Variants in IGSF21 observed in about 807,000 individuals in gnomAD.
IGSF21 encodes the protein immunoglobin superfamily member 21, also known as immunoglobulin superfamily member 21.
IGSF21 carries 28 observed loss-of-function variants against 46.8 expected under a neutral mutation model. The ratio of observed to expected loss-of-function variants is 0.60; its 90% confidence interval spans 0.44 to 0.82. The LOEUF is 0.82. IGSF21 is among the 40% of genes least tolerant of loss of function. IGSF21 has a pLI of 0.00. For synonymous variants in IGSF21, 284 were observed against 273.6 expected (o/e 1.04, Z -0.38); for missense variants, 624 against 665.5 (o/e 0.94, Z 0.69).
intron 1 of IGSF21, among the ~76,000 whole-genome samples, chr1:18,171,027 C>T (rs185619296): frequency 1.3e-5 from 2 of 151,664 alleles, no homozygotes; most frequent in Admixed American, 6.6e-5. Flanking sequence ...GCAGGCCCGT[C>T]GGGGAGGCTG....
At chr1:18,251,573 G>T (rs1322115313) in intron 2 of IGSF21, among the ~76,000 whole-genome samples, 6 of 152,194 alleles carry the variant, frequency 3.9e-5, no homozygotes, top group African/African-American at 1.4e-4. Context: ...TTATGGGCCA[G>T]TCTGGAGGTG....
In IGSF21 at chr1:18,335,980, C is replaced by T. The variant is rs1358350317; in HGVS notation, c.424+970C>T. On this transcript the variant is annotated intron_variant, in intron 4 of 9. Transcript: ENST00000251296. This position sits in a 1 kb window ranked among gnomAD's most constrained non-coding sequence, Gnocchi z 4.8. ...TCAGCTCCTCTGATAAAGGAACTAG[C>T]AGCGTTTGGGTGCCTGGCCCTGGGT... Among the ~76,000 whole-genome samples, 4 of 152,202 alleles carry T rather than the reference C, an allele frequency of 2.6e-5. No individual in the cohort carries two copies. Among genetic ancestry groups the T allele is most frequent in the Admixed American group, 2.6e-4 (4 of 15,282 alleles).
In IGSF21 at chr1:18,335,690, C is replaced by G. The variant is rs2085759107; in HGVS notation, c.424+680C>G. On this transcript the variant is annotated intron_variant, in intron 4 of 9. Transcript: ENST00000251296. The surrounding 1 kb of genome is among the most constrained non-coding windows in gnomAD (Gnocchi z 4.8). ...GATGCTGGGGACTTGGCCTTGACTCCAGACTCTGTGTTCTCCGGTTTTCTT... is the reference window on the plus strand; with the variant it reads ...GATGCTGGGGACTTGGCCTTGACTCGAGACTCTGTGTTCTCCGGTTTTCTT... 6.6e-6 allele frequency among the ~76,000 whole-genome samples: 1 copy of G among 152,188 alleles called. No homozygotes were observed. The highest frequency in any genetic ancestry group is 2.4e-5 in the African/African-American group (1 of 41,444).
intron 2 of IGSF21, among the ~76,000 whole-genome samples, chr1:18,257,732 G>A (rs1005507045): frequency 3.9e-5 from 6 of 152,192 alleles, no homozygotes; most frequent in Non-Finnish European, 8.8e-5. Flanking sequence ...ACAACCTGGA[G>A]GATTTAGCCC....
rs2086234494 is a variant in IGSF21, at chr1:18,372,516, G to GGATT, written c.1016-3791_1016-3790insTGAT. 2.2e-4 allele frequency among the ~76,000 whole-genome samples: 4 copies of GGATT among 18,498 alleles called. No individual in the cohort carries two copies. The South Asian group carries it at 6.7e-3, about 31-fold the overall frequency. The allele number at this position is 18,498 out of a possible 152,430, so 12.1% of individuals were successfully genotyped here. ...AAAATGAATGCTTGGATGGATGGAA[G>GGATT]GATGGATGGATGGATGGATGGATGG... On this transcript the variant is annotated intron_variant, in intron 6 of 9. Transcript: ENST00000251296.
At chr1:18,245,647 T>A (rs2124521962) in intron 2 of IGSF21, among the ~76,000 whole-genome samples, 1 of 152,362 alleles carries the variant, frequency 6.6e-6, no homozygotes, top group South Asian at 2.1e-4. Flanking sequence ...CCTTCTTTCC[T>A]GTATTTTTAG....
intron 4 of IGSF21, among the ~76,000 whole-genome samples, chr1:18,346,920 C>A (rs2085899863): frequency 6.6e-6 from 1 of 152,154 alleles, no homozygotes; most frequent in Non-Finnish European, 1.5e-5. Flanking sequence ...GTCTTGAGTG[C>A]CTGGACCTGG....
intron 3 of IGSF21, among the ~76,000 whole-genome samples, chr1:18,300,585 T>C (rs2085351165): frequency 6.6e-6 from 1 of 152,216 alleles, no homozygotes; most frequent in African/African-American, 2.4e-5. Context: ...GGGCTGCCAG[T>C]CATTAGCAAA....
rs182767391 is a variant in IGSF21 at position 18,273,430 on chromosome 1, C to T, written c.184-18436C>T. ...CTTTCCTTTCTTTTCCTTTCCTTTC[C>T]TTTCTTTCTTTCTCACTTTCTTTCT... On this transcript the variant is annotated intron_variant, in intron 2 of 9. Coordinates refer to ENST00000251296, the MANE Select transcript of IGSF21 (RefSeq NM_032880.5). 2.6e-3 allele frequency among the ~76,000 whole-genome samples: 310 copies of T among 118,246 alleles called. 7 individuals carry two copies. The highest frequency in any genetic ancestry group is 5.6e-3 in the Middle Eastern group (1 of 180). 77.6% of individuals were successfully genotyped at this position (118,246 alleles called of 152,430 possible).
intron 1 of IGSF21, among the ~76,000 whole-genome samples, chr1:18,180,019 C>T (rs1216475812): frequency 1.3e-5 from 2 of 152,146 alleles, no homozygotes; most frequent in African/African-American, 4.8e-5. Context: ...GACTCGCTCT[C>T]CCTTCTTCTT....
chr1:18,185,834 T>C (rs10907289), intron 1 of IGSF21, among the ~76,000 whole-genome samples: 119,513 of 152,126 alleles, frequency 0.79, 48,807 homozygotes, highest in Non-Finnish European at 0.89. Context: ...GAGCTGGTCA[T>C]GTGTTTGTTG....
intron 1 of IGSF21, among the ~76,000 whole-genome samples, chr1:18,143,997 G>T (rs2086441885): frequency 6.6e-6 from 1 of 152,174 alleles, no homozygotes; most frequent in Non-Finnish European, 1.5e-5. Flanking sequence ...ATCAGATTAA[G>T]GCTTCGTGAT....
intron 2 of IGSF21, among the ~76,000 whole-genome samples, chr1:18,288,087 C>A (rs2085232963): frequency 6.6e-6 from 1 of 152,176 alleles, no homozygotes; most frequent in Non-Finnish European, 1.5e-5. Context: ...GTTGCCTTAT[C>A]CCCATTTCAC....
At chr1:18,373,927 T>C (rs2086253862) in intron 6 of IGSF21, among the ~76,000 whole-genome samples, 1 of 152,176 alleles carries the variant, frequency 6.6e-6, no homozygotes, top group Non-Finnish European at 1.5e-5. Context: ...TGGTTCCTTC[T>C]TCCCTTAGAA....
intron 2 of IGSF21, among the ~76,000 whole-genome samples, chr1:18,252,839 C>T (rs1384544599): frequency 6.6e-6 from 1 of 152,190 alleles, no homozygotes; most frequent in African/African-American, 2.4e-5. Flanking sequence ...GCTACTTACC[C>T]TCTCTGAACT....
chr1:18,359,073 G>A (rs1042107591), intron 4 of IGSF21, among the ~76,000 whole-genome samples: 1 of 151,898 alleles, frequency 6.6e-6, no homozygotes, highest in Non-Finnish European at 1.5e-5. Flanking sequence ...AGACCAGCTT[G>A]GACAATATAG....
chr1:18,336,541 C>T (rs531331738), intron 4 of IGSF21, among the ~76,000 whole-genome samples: 52 of 152,298 alleles, frequency 3.4e-4, no homozygotes, highest in African/African-American at 1.3e-3. Context: ...AGGACCCAGG[C>T]ATCTTGACTC....
intron 2 of IGSF21, among the ~76,000 whole-genome samples, chr1:18,252,392 G>A (rs116627038): frequency 0.018 from 2,768 of 152,266 alleles, 80 homozygotes; most frequent in African/African-American, 0.063. Flanking sequence ...ACCTTGGAAT[G>A]TAGTAATGGC....
At chr1:18,226,489 TGGGCTCCA>T (rs1226504506) in intron 1 of IGSF21, among the ~76,000 whole-genome samples, 9 of 152,096 alleles carry the variant, frequency 5.9e-5, no homozygotes, top group African/African-American at 2.2e-4. Context: ...TCAGACCAAG[TGGGCTCCA>T]GGGCTATCCA....
Sources: gnomAD v4.1 joint callset for allele counts (sites outside exome capture counted in the v4.1 genomes callset) on GRCh38, gnomAD v4.1.1 for gene constraint, Gnocchi (gnomAD v3.1) non-coding constraint, MANE v1.5 for transcripts, NCBI Gene and HGNC (gene_info 2026-07-23, HGNC 2026-07-21) for gene names.